NBAS: variants seen among roughly 807,000 people sequenced by gnomAD.
NBAS encodes the protein NBAS subunit of NRZ tethering complex, also known as NAG/BC035112 fusion.
NBAS carries 219 observed loss-of-function variants against 302.5 expected under a neutral mutation model. The ratio of observed to expected loss-of-function variants is 0.72; its 90% CI spans 0.65 to 0.81. The LOEUF is 0.81. NBAS is among the 30% of genes least tolerant of loss of function. The pLI is 0.00. For synonymous variants in NBAS, 1,118 were observed against 1,021.6 expected, an observed-to-expected ratio of 1.09 and a Z score of -1.80; for missense variants, 2,932 against 2,841.6, an observed-to-expected ratio of 1.03 and a Z score of -0.72.
the NBAS span, among the ~76,000 whole-genome samples, chr2:15,132,228 T>C: frequency 6.6e-6 from 1 of 152,170 alleles, no homozygotes; most frequent in Non-Finnish European, 1.5e-5. Context: ...ATCCAGACAA[T>C]GGAATGTTAT....
intron 26 of NBAS, among the ~76,000 whole-genome samples, chr2:15,396,997 G>C (rs1468524354): frequency 6.6e-6 from 1 of 152,204 alleles, no homozygotes; most frequent in Admixed American, 6.5e-5. Context: ...CAACGTTAAG[G>C]AATCAGTGAG....
intron 25 of NBAS, among the ~76,000 whole-genome samples, chr2:15,412,634 A>T (rs1257946347): frequency 1.3e-5 from 2 of 152,220 alleles, no homozygotes; most frequent in African/African-American, 4.8e-5. Flanking sequence ...AACACAAACA[A>T]GGCTGCCTGC....
intron 38 of NBAS, among the ~76,000 whole-genome samples, chr2:15,317,543 G>A (rs1671571413): frequency 6.6e-6 from 1 of 152,216 alleles, no homozygotes; most frequent in South Asian, 2.1e-4. Flanking sequence ...AAACAGTGTA[G>A]AGAAGACCTT....
At chr2:14,826,369 T>C in the NBAS span, among the ~76,000 whole-genome samples, 1 of 152,232 alleles carries the variant, frequency 6.6e-6, no homozygotes, top group Admixed American at 6.5e-5. Context: ...AAAATAAATA[T>C]ATAAGTAAAT....
At chr2:14,901,637 AACTT>A in the NBAS span, among the ~76,000 whole-genome samples, 4 of 152,178 alleles carry the variant, frequency 2.6e-5, no homozygotes, top group African/African-American at 9.7e-5. Flanking sequence ...GAGGGGAAAT[AACTT>A]AGATTCTTAG....
chr2:14,851,125 A>T, the NBAS span, among the ~76,000 whole-genome samples: 4 of 131,930 alleles, frequency 3.0e-5, no homozygotes, highest in South Asian at 4.4e-4. Flanking sequence ...CCTTCAAAAA[A>T]TCAATGAATC....
At chr2:15,050,772 C>T in the NBAS span, among the ~76,000 whole-genome samples, 1 of 152,132 alleles carries the variant, frequency 6.6e-6, no homozygotes, top group Non-Finnish European at 1.5e-5. Context: ...GGGTTTCCAC[C>T]TCTAATCTGC....
the NBAS span, among the ~76,000 whole-genome samples, chr2:14,980,549 C>G: frequency 6.6e-6 from 1 of 152,154 alleles, no homozygotes; most frequent in African/African-American, 2.4e-5. Flanking sequence ...AAACGGGCAA[C>G]TTGCTGCCAG....
At chr2:15,059,960 A>AC in the NBAS span, among the ~76,000 whole-genome samples, 17,330 of 108,690 alleles carry the variant, frequency 0.16, 1,520 homozygotes, top group Non-Finnish European at 0.2. Context: ...AAAAAAAAAA[A>AC]AAACAAAAAA....
chr2:15,318,071 A>C (rs1671602631), intron 38 of NBAS, among the ~76,000 whole-genome samples: 1 of 152,240 alleles, frequency 6.6e-6, no homozygotes, highest in African/African-American at 2.4e-5. Context: ...CCTACAAACC[A>C]GAAGAGAGTG....
At chr2:15,302,331 C>T (rs1670841133) in intron 40 of NBAS, among the ~76,000 whole-genome samples, 1 of 152,186 alleles carries the variant, frequency 6.6e-6, no homozygotes, top group Non-Finnish European at 1.5e-5. Context: ...GACTCATGCC[C>T]ATGTGCTATC....
intron 32 of NBAS, among the ~76,000 whole-genome samples, chr2:15,360,669 T>TTA (rs35965165): frequency 1.3e-5 from 2 of 148,556 alleles, no homozygotes; most frequent in Non-Finnish European, 3.0e-5. Context: ...TTTTTTTTTT[T>TTA]AACTTTCTAA....
At chr2:15,016,306 A>T in the NBAS span, among the ~76,000 whole-genome samples, 59 of 152,276 alleles carry the variant, frequency 3.9e-4, no homozygotes, top group Middle Eastern at 6.8e-3. Context: ...AAACACCCCC[A>T]TGATTCAATT....
chr2:15,073,152 AAC>A, the NBAS span, among the ~76,000 whole-genome samples: 2 of 152,008 alleles, frequency 1.3e-5, no homozygotes, highest in African/African-American at 2.4e-5. Flanking sequence ...AAAAAAGAAT[AAC>A]ACAGAAAATT....
At chr2:15,122,260 T>TGGGC in the NBAS span, among the ~76,000 whole-genome samples, 1 of 152,102 alleles carries the variant, frequency 6.6e-6, no homozygotes, top group Non-Finnish European at 1.5e-5. Context: ...GCTTTATAGA[T>TGGGC]TGGCTCACGA....
intron 51 of NBAS, among the ~76,000 whole-genome samples, chr2:15,168,465 T>C (rs938838663): frequency 2.0e-5 from 3 of 152,188 alleles, no homozygotes; most frequent in African/African-American, 7.2e-5. Context: ...ACAGGGGTCA[T>C]TCAAAACCCA....
At chr2:15,410,466 A>C (rs181615345) in intron 25 of NBAS, among the ~76,000 whole-genome samples, 3 of 152,346 alleles carry the variant, frequency 2.0e-5, no homozygotes, top group Non-Finnish European at 4.4e-5. Context: ...TTAGGGCAAA[A>C]AAAAAATTAT....
At chr2:15,393,290 G>T (rs140578019) in intron 28 of NBAS, among the ~76,000 whole-genome samples, 1 of 151,770 alleles carries the variant, frequency 6.6e-6, no homozygotes, top group African/African-American at 2.4e-5. Flanking sequence ...GAAAATCTTC[G>T]CAAAGCATAT....
the NBAS span, among the ~76,000 whole-genome samples, chr2:15,003,048 C>A: frequency 4.5e-4 from 68 of 152,374 alleles, no homozygotes; most frequent in Middle Eastern, 6.8e-3. Flanking sequence ...GCAGAGAAGG[C>A]GCCGAGAGCG....
Sources: allele counts gnomAD v4.1 joint callset (sites outside exome capture counted in the v4.1 genomes callset), GRCh38; gene constraint gnomAD v4.1.1; transcripts MANE v1.5; gene names NCBI Gene and HGNC (gene_info 2026-07-23, HGNC 2026-07-21).